EFNA5: variants seen among roughly 807,000 people sequenced by gnomAD.
EFNA5 encodes the protein ephrin A5.
EFNA5 carries 5 observed loss-of-function variants against 22.9 expected under a neutral mutation model. The observed-to-expected ratio is 0.22, with a 90% confidence interval of 0.11 to 0.46. EFNA5 has a LOEUF of 0.46. Among genes scored for constraint, EFNA5 ranks in the 20% least tolerant of loss-of-function variants. EFNA5 has a pLI of 0.99. For synonymous variants in EFNA5, 113 were observed against 112.2 expected, an observed-to-expected ratio of 1.01 and a Z score of -0.04; for missense variants, 237 against 293.3, an observed-to-expected ratio of 0.81 and a Z score of 1.40.
At chr5:107,554,772 T>G (rs889134106) in intron 1 of EFNA5, among the ~76,000 whole-genome samples, 2 of 152,200 alleles carry the variant, frequency 1.3e-5, no homozygotes, top group African/African-American at 4.8e-5. Flanking sequence ...TTCTATACTT[T>G]GCAGATAGGA....
At chr5:107,664,756 C>G (rs190622135) in intron 1 of EFNA5, among the ~76,000 whole-genome samples, 1 of 152,266 alleles carries the variant, frequency 6.6e-6, no homozygotes, top group Admixed American at 6.5e-5. Context: ...ACCTTCCTCA[C>G]TGTGCTTAGG....
intron 1 of EFNA5, among the ~76,000 whole-genome samples, chr5:107,590,355 G>A (rs1749291605): frequency 1.3e-5 from 2 of 151,672 alleles, no homozygotes; most frequent in Non-Finnish European, 2.9e-5. Flanking sequence ...GTAGTTCTGT[G>A]TCAAATGTTG....
intron 2 of EFNA5, among the ~76,000 whole-genome samples, chr5:107,407,147 A>G (rs1341854781): frequency 6.6e-6 from 1 of 152,224 alleles, no homozygotes; most frequent in African/African-American, 2.4e-5. Flanking sequence ...GCATTCCTGC[A>G]AAGGGTGAAG....
chr5:107,486,296 G>C (rs1252126558), intron 1 of EFNA5, among the ~76,000 whole-genome samples: 1 of 152,160 alleles, frequency 6.6e-6, no homozygotes, highest in Non-Finnish European at 1.5e-5. Flanking sequence ...CACTTATTTA[G>C]CCTACCGGCT....
intron 1 of EFNA5, among the ~76,000 whole-genome samples, chr5:107,619,236 CT>C (rs1749987128): frequency 6.6e-6 from 1 of 151,866 alleles, no homozygotes; most frequent in Non-Finnish European, 1.5e-5. Flanking sequence ...GTTGTGTACT[CT>C]TATAAATATG....
chr5:107,557,958 C>T (rs1348833762), intron 1 of EFNA5, among the ~76,000 whole-genome samples: 1 of 152,066 alleles, frequency 6.6e-6, no homozygotes, highest in African/African-American at 2.4e-5. Context: ...CACAAAATTG[C>T]AATCATATGA....
At chr5:107,483,429 T>G (rs1310064280) in intron 1 of EFNA5, among the ~76,000 whole-genome samples, 1 of 152,178 alleles carries the variant, frequency 6.6e-6, no homozygotes, top group Admixed American at 6.5e-5. Context: ...ACACTCCAGC[T>G]GCTGTATCCG....
chr5:107,491,346 T>C (rs1325717672), intron 1 of EFNA5, among the ~76,000 whole-genome samples: 1 of 152,204 alleles, frequency 6.6e-6, no homozygotes, highest in Non-Finnish European at 1.5e-5. Flanking sequence ...AGTTCCGCTC[T>C]TGTTGCCCAG....
chr5:107,413,503 A>T (rs2112404879), intron 2 of EFNA5, among the ~76,000 whole-genome samples: 1 of 152,254 alleles, frequency 6.6e-6, no homozygotes, highest in South Asian at 2.1e-4. Context: ...ATGTCATATA[A>T]ATAGAATATT....
At chr5:107,535,437 T>G (rs1011111162) in intron 1 of EFNA5, among the ~76,000 whole-genome samples, 1 of 152,036 alleles carries the variant, frequency 6.6e-6, no homozygotes, top group African/African-American at 2.4e-5. Context: ...TATGATGATC[T>G]AAAGAACAAT....
intron 1 of EFNA5, among the ~76,000 whole-genome samples, chr5:107,521,132 A>G (rs1033215037): frequency 2.6e-5 from 4 of 152,180 alleles, no homozygotes; most frequent in African/African-American, 2.4e-5. Context: ...TATTGTATGT[A>G]GAAAGTGCAT....
At chr5:107,381,588 C>G (rs1048589341) in intron 4 of EFNA5, among the ~76,000 whole-genome samples, 1 of 152,208 alleles carries the variant, frequency 6.6e-6, no homozygotes, top group African/African-American at 2.4e-5. Context: ...AATATTAATA[C>G]TTTCCTTAAA....
rs542491664 is a variant in EFNA5 at position 107,563,877 on chromosome 5, A to G, written c.125+106612T>C. On this transcript the variant is annotated intron_variant, in intron 1 of 4. Coordinates refer to ENST00000333274, the MANE Select transcript of EFNA5 (RefSeq NM_001962.3). ...CTTAAGATTATTCTTTCTAAAGTGC[A>G]ATTCTCAATTCTTTGCAGTCTTGTT... Among the ~76,000 whole-genome samples the G allele has an allele frequency of 1.8e-4, 27 of 152,324 alleles. 1 individual carries two copies. In the South Asian group the frequency reaches 4.4e-3, roughly 25 times the overall value.
chr5:107,670,723 T>G lies in EFNA5; in HGVS notation c.-110A>C. The G allele has an allele frequency of 7.0e-7, 1 of 1,434,576 alleles. No homozygotes were observed. The highest frequency in any genetic ancestry group is 1.3e-5 in the South Asian group (1 of 76,212). The allele number at this position is 1,434,576 out of a possible 1,614,324, so 88.9% of individuals were successfully genotyped here. On this transcript the variant is annotated 5_prime_UTR_variant, in exon 1 of 5. Transcript: ENST00000333274. ...AGAGAGAGAGCGGGCGCCAAATAAA[T>G]ATGAATAAATAAAAATGAAAGTGGG...
At chr5:107,387,634 G>T (rs138377566) in intron 3 of EFNA5, 72 bp downstream of exon 3, 2 of 1,113,754 alleles carry the variant, frequency 1.8e-6, no homozygotes, top group African/African-American at 1.6e-5. Flanking sequence ...AAGTTTTACC[G>T]CCGTGAACCA....
chr5:107,565,834 A>G (rs189306011), intron 1 of EFNA5, among the ~76,000 whole-genome samples: 37 of 152,362 alleles, frequency 2.4e-4, no homozygotes, highest in African/African-American at 8.2e-4. Context: ...AGCTGAGTCA[A>G]TCTATTTTCC....
chr5:107,462,238 GGGA>G (rs1391998100), intron 1 of EFNA5, among the ~76,000 whole-genome samples: 1 of 152,080 alleles, frequency 6.6e-6, no homozygotes, highest in Non-Finnish European at 1.5e-5. Context: ...GAGTGTGCTT[GGGA>G]GGAGGTTTGC....
intron 1 of EFNA5, among the ~76,000 whole-genome samples, chr5:107,630,396 C>G (rs1750225204): frequency 6.6e-6 from 1 of 152,208 alleles, no homozygotes; most frequent in Non-Finnish European, 1.5e-5. Flanking sequence ...ACCTGTATAG[C>G]AAGTTCCTGT....
Position 107,387,652 on chromosome 5 carries a change from C to A in EFNA5, c.484+54G>T, listed in dbSNP as rs545063107. 8.9e-6 allele frequency: 12 copies of A among 1,355,068 alleles called. No individual in the cohort carries two copies. The South Asian group carries it at 1.5e-4, about 17-fold the overall frequency. 83.9% of individuals were successfully genotyped at this position (1,355,068 alleles called of 1,614,324 possible). A position where few individuals can be genotyped will look rare whatever the true frequency, so the allele number is the denominator to read the frequency against. On this transcript the variant is annotated intron_variant, in intron 3 of 4. Coordinates refer to ENST00000333274, the MANE Select transcript of EFNA5 (RefSeq NM_001962.3). ...TTTTACCGCCGTGAACCAGACCACACAATAAAGCATGCGCGGTGAAGCCAC... is the reference window on the plus strand; with the variant it reads ...TTTTACCGCCGTGAACCAGACCACAAAATAAAGCATGCGCGGTGAAGCCAC...
Sources: allele counts gnomAD v4.1 joint callset (sites outside exome capture counted in the v4.1 genomes callset), GRCh38; gene constraint gnomAD v4.1.1; transcripts MANE v1.5; gene names NCBI Gene and HGNC (gene_info 2026-07-23, HGNC 2026-07-21).